FRAS1: variants seen among roughly 807,000 people sequenced by gnomAD.
FRAS1 encodes the protein Fraser extracellular matrix complex subunit 1, also known as extracellular matrix organizing protein FRAS1.
A neutral mutation model predicts 435.2 loss-of-function variants in FRAS1; 290 were observed. That is an observed-to-expected ratio of 0.67 (90% CI 0.61 to 0.73). The LOEUF (loss-of-function observed/expected upper bound fraction) is 0.73. Among genes scored for constraint, FRAS1 ranks in the 30% least tolerant of loss-of-function variants. The probability of loss-of-function intolerance (pLI) is 0.00; values close to 1 mark genes in which losing one functional copy is unlikely to be tolerated. For missense variants in FRAS1, 4,860 were observed against 5,001.5 expected (o/e 0.97, Z 0.85); for synonymous variants, 1,800 against 1,851.0 (o/e 0.97, Z 0.71).
chr4:78,094,434 CT>C (rs1377401959), intron 2 of FRAS1, among the ~76,000 whole-genome samples: 2 of 151,736 alleles, frequency 1.3e-5, no homozygotes, highest in Admixed American at 6.6e-5. Context: ...TATTTTGGAT[CT>C]TTTTTTCCCC....
intron 18 of FRAS1, among the ~76,000 whole-genome samples, chr4:78,332,460 T>G (rs568029524): frequency 6.6e-6 from 1 of 152,346 alleles, no homozygotes; most frequent in Admixed American, 6.5e-5. Flanking sequence ...GCCTTTAGTC[T>G]CTTTTCACCT....
rs867312165 is a variant in FRAS1 at position 78,499,900 on chromosome 4, C to A, written c.9295C>A (p.Arg3099=). The stretch of plus-strand genomic sequence containing the variant: ...TGGTGTGGATTATTACCCAAAGAGC[C>A]GAGTCTTGAAGTTCAGTCCCGGTAA... The part of the protein sequence containing the change: ...QSGVDYYPKS[R]VLKFSPGVDH... The change falls in exon 61 of 74, where the codon CGA becomes AGA. Residue 3099 remains arginine (R), a synonymous_variant. Transcript: ENST00000512123. 1.3e-6 allele frequency: 2 copies of A among 1,574,662 alleles called. No individual in the cohort carries two copies. The highest frequency in any genetic ancestry group is 1.2e-5 in the South Asian group (1 of 85,452).
chr4:78,386,465 C>T (rs1361102593), intron 28 of FRAS1, among the ~76,000 whole-genome samples: 1 of 152,142 alleles, frequency 6.6e-6, no homozygotes, highest in African/African-American at 2.4e-5. Context: ...CACTATGTAA[C>T]TATTATAGTG....
intron 10 of FRAS1, among the ~76,000 whole-genome samples, chr4:78,279,220 G>A (rs930382079): frequency 6.6e-6 from 1 of 152,334 alleles, no homozygotes; most frequent in Admixed American, 6.5e-5. Flanking sequence ...GCACTGAGAC[G>A]CAAGTGTGTT....
intron 2 of FRAS1, among the ~76,000 whole-genome samples, chr4:78,093,481 C>A (rs1047581015): frequency 2.0e-5 from 3 of 152,170 alleles, no homozygotes; most frequent in African/African-American, 7.2e-5. Flanking sequence ...TATTTAATAT[C>A]TAGTCTCATA....
In FRAS1 at chr4:78,337,763, T is replaced by C. The variant is rs952721626; in HGVS notation, c.2368T>C (p.Cys790Arg). 3 of 1,613,838 alleles carry C rather than the reference T, an allele frequency of 1.9e-6. No homozygotes were observed. Among genetic ancestry groups the C allele is most frequent in the Non-Finnish European group, 1.7e-6 (2 of 1,179,876 alleles). Residue 790 changes from cysteine (C) to arginine (R), a missense_variant, in exon 20 of 74, where the codon TGC (cysteine) becomes CGC (arginine). Transcript: ENST00000512123. ...YPHISLTNGN[C>R]RTSCREEQFL... The stretch of plus-strand genomic sequence containing the variant: ...TCACATCTCTCTTACCAATGGTAAC[T>C]GCAGGACCAGCTGCAGGGAAGAGCA...
intron 50 of FRAS1, among the ~76,000 whole-genome samples, 187 bp from the exon 51 acceptor site, chr4:78,469,791 C>T (rs560716524): frequency 8.5e-5 from 13 of 152,234 alleles, no homozygotes; most frequent in African/African-American, 2.9e-4. Flanking sequence ...ATTGTTCTCA[C>T]TCTATCATTC....
chr4:78,522,386 A>T (rs1223959009), intron 68 of FRAS1, among the ~76,000 whole-genome samples: 1 of 152,194 alleles, frequency 6.6e-6, no homozygotes, highest in African/African-American at 2.4e-5. Flanking sequence ...ACTCATTAGC[A>T]CCATTTCCAC....
intron 2 of FRAS1, among the ~76,000 whole-genome samples, chr4:78,108,637 A>G (rs1742520958): frequency 1.2e-5 from 1 of 83,002 alleles, no homozygotes; most frequent in Non-Finnish European, 2.3e-5. Context: ...AATGCCTACA[A>G]GAGAAAGCAG....
chr4:78,281,443 G>A lies in FRAS1; in HGVS notation c.1107+10G>A, dbSNP rs748412011. On this transcript the variant is annotated intron_variant, in intron 11 of 73. Transcript: ENST00000512123. ...AGTTAAACGTATTCCAGTAAGTATA[G>A]CTTTTTAACTTGCACGTAGATCATT... The A allele has an allele frequency of 3.2e-6, 5 of 1,541,428 alleles. No homozygotes were observed. The highest frequency in any genetic ancestry group is 2.8e-5 in the African/African-American group (2 of 72,180).
chr4:78,335,931 GA>G (rs1284883010), intron 19 of FRAS1, among the ~76,000 whole-genome samples: 60 of 147,390 alleles, frequency 4.1e-4, no homozygotes, highest in South Asian at 1.3e-3. Flanking sequence ...GTATATACAG[GA>G]AAAAAAACAT....
intron 70 of FRAS1, among the ~76,000 whole-genome samples, chr4:78,532,421 A>G (rs758171715): frequency 6.6e-5 from 10 of 152,186 alleles, no homozygotes; most frequent in Admixed American, 1.3e-4. Flanking sequence ...AAGGTGTAAA[A>G]CATTATGGTT....
At chr4:78,089,632 G>A (rs1741399911) in intron 2 of FRAS1, among the ~76,000 whole-genome samples, 1 of 137,494 alleles carries the variant, frequency 7.3e-6, no homozygotes, top group Admixed American at 7.6e-5. Flanking sequence ...TTCTCATTTT[G>A]TTTACCTGAA....
intron 2 of FRAS1, among the ~76,000 whole-genome samples, chr4:78,163,038 T>C (rs1721202607): frequency 6.6e-6 from 1 of 152,214 alleles, no homozygotes. Flanking sequence ...GTGTTTGAAG[T>C]GGTATTAAAC....
intron 70 of FRAS1, 134 bp downstream of exon 70, chr4:78,526,791 C>A: frequency 1.7e-6 from 1 of 602,492 alleles, no homozygotes; most frequent in East Asian, 3.2e-5. Context: ...ACAGCAGAGT[C>A]ACAAAACATT....
chr4:78,260,197 G>T (rs1305106914), intron 6 of FRAS1, among the ~76,000 whole-genome samples: 1 of 151,540 alleles, frequency 6.6e-6, no homozygotes, highest in Non-Finnish European at 1.5e-5. Flanking sequence ...CTCTTTTTTG[G>T]TTCCATATGA....
At chr4:78,296,315 C>T (rs944938576) in intron 14 of FRAS1, among the ~76,000 whole-genome samples, 1 of 151,790 alleles carries the variant, frequency 6.6e-6, no homozygotes, top group African/African-American at 2.4e-5. Flanking sequence ...ATGTGGAGAC[C>T]AGACATTCCC....
At chr4:78,535,121 T>G (rs1360281580) in intron 71 of FRAS1, among the ~76,000 whole-genome samples, 1 of 152,170 alleles carries the variant, frequency 6.6e-6, no homozygotes, top group East Asian at 1.9e-4. Context: ...CCTGTTGGGT[T>G]TCCTTTGCAT....
At position 78,101,647 on chromosome 4, in the gene FRAS1, C is replaced by A. The variant is rs555893902; in HGVS notation, c.108+35631C>A. Among the ~76,000 whole-genome samples, 15 of 152,154 alleles carry A rather than the reference C, an allele frequency of 9.9e-5. 1 individual carries two copies. Among genetic ancestry groups the A allele is most frequent in the African/African-American group, 3.6e-4 (15 of 41,520 alleles). On this transcript the variant is annotated intron_variant, in intron 2 of 73. Transcript: ENST00000512123. ...CTCAAGGAACTGAGAATTTCCAGGC[C>A]TGATATTCTTGGACAATATTATGGC...
Sources: allele counts gnomAD v4.1 joint callset (sites outside exome capture counted in the v4.1 genomes callset), GRCh38; gene constraint gnomAD v4.1.1; transcripts MANE v1.5; gene names NCBI Gene and HGNC (gene_info 2026-07-23, HGNC 2026-07-21).